MGAT4C: variants seen among roughly 807,000 people sequenced by gnomAD.
The protein encoded by MGAT4C is alpha-1,3-mannosyl-glycoprotein 4-beta-N-acetylglucosaminyltransferase C.
A neutral mutation model predicts 40.1 loss-of-function variants in MGAT4C; 19 were observed. That is an observed-to-expected ratio of 0.47 (90% CI 0.33 to 0.70). The LOEUF is 0.70. Among genes scored for constraint, MGAT4C ranks in the 30% least tolerant of loss-of-function variants. MGAT4C has a pLI of 0.02. For missense variants in MGAT4C, 491 were observed against 563.2 expected (o/e 0.87, Z 1.30); for synonymous variants, 181 against 187.1 (o/e 0.97, Z 0.27).
chr12:86,770,585 G>A (rs1036423297), intron 1 of MGAT4C, among the ~76,000 whole-genome samples: 26 of 152,016 alleles, frequency 1.7e-4, no homozygotes, highest in Middle Eastern at 3.5e-3. Flanking sequence ...ATAATTGTTG[G>A]CTGTGTTTTT....
chr12:86,732,262 C>A (rs1476121867), intron 1 of MGAT4C, among the ~76,000 whole-genome samples: 3 of 152,088 alleles, frequency 2.0e-5, no homozygotes, highest in Admixed American at 6.6e-5. Flanking sequence ...TGTTTTAATA[C>A]AACAGTACCA....
intron 2 of MGAT4C, among the ~76,000 whole-genome samples, chr12:86,647,628 C>G (rs1468448364): frequency 6.6e-6 from 1 of 151,870 alleles, no homozygotes. Flanking sequence ...TGTCTTTACT[C>G]TAGATCACAT....
chr12:86,387,017 T>C (rs1956064387), intron 3 of MGAT4C, among the ~76,000 whole-genome samples: 2 of 152,206 alleles, frequency 1.3e-5, no homozygotes, highest in South Asian at 4.1e-4. Flanking sequence ...TTGCCATATG[T>C]ATTCCTTATT....
chr12:86,734,130 A>G (rs1329131534), intron 1 of MGAT4C, among the ~76,000 whole-genome samples: 1 of 152,122 alleles, frequency 6.6e-6, no homozygotes, highest in Admixed American at 6.6e-5. Context: ...AAGTTGAGAA[A>G]GTTTAAGTTG....
chr12:86,594,518 C>T (rs563232007), intron 2 of MGAT4C, among the ~76,000 whole-genome samples: 1 of 152,154 alleles, frequency 6.6e-6, no homozygotes, highest in Non-Finnish European at 1.5e-5. Context: ...CCACTTGTTA[C>T]AAAATACATT....
intron 3 of MGAT4C, among the ~76,000 whole-genome samples, chr12:86,385,506 A>C (rs188398612): frequency 6.6e-6 from 1 of 152,190 alleles, no homozygotes; most frequent in Non-Finnish European, 1.5e-5. Context: ...TTTGTTGCTT[A>C]ATGTCTTTCA....
chr12:86,667,377 T>C (rs986735004), intron 2 of MGAT4C, among the ~76,000 whole-genome samples: 1 of 152,192 alleles, frequency 6.6e-6, no homozygotes, highest in African/African-American at 2.4e-5. Context: ...TCAGTTTTAA[T>C]TTCGAGACAG....
intron 2 of MGAT4C, among the ~76,000 whole-genome samples, chr12:86,637,847 A>G (rs895652478): frequency 4.0e-5 from 6 of 151,860 alleles, no homozygotes; most frequent in African/African-American, 1.4e-4. Context: ...GGACTGTACA[A>G]ATTTTCATAT....
At chr12:86,050,392 T>A (rs918427027) in intron 1 of MGAT4C, among the ~76,000 whole-genome samples, 6 of 152,050 alleles carry the variant, frequency 3.9e-5, no homozygotes, top group African/African-American at 1.4e-4. Flanking sequence ...CCTTTAAAAT[T>A]ATGTGTATTT....
chr12:86,264,241 A>G (rs904624229), intron 4 of MGAT4C, among the ~76,000 whole-genome samples: 1 of 152,146 alleles, frequency 6.6e-6, no homozygotes, highest in African/African-American at 2.4e-5. Flanking sequence ...GTCATAAATT[A>G]TTTGCCTAGA....
At position 85,961,528 on chromosome 12, in the gene MGAT4C, C is replaced by A. The variant is rs1883111828; in HGVS notation, c.*17761G>T. On this transcript the variant is annotated 3_prime_UTR_variant, in exon 5 of 5. Transcript: ENST00000611864. ...TCAACTTCTAATCTTTTATCATCCT[C>A]TACCACATAATTCCTCCTATATTCT... is the stretch of plus-strand genomic sequence containing the variant. 4 of 151,862 alleles carry A rather than the reference C, an allele frequency of 2.6e-5. No individual in the cohort carries two copies. The South Asian group carries it at 8.3e-4, about 32-fold the overall frequency. 9.4% of individuals were successfully genotyped at this position (151,862 alleles called of 1,614,324 possible). A position where few individuals can be genotyped will look rare whatever the true frequency, so the allele number is the denominator to read the frequency against.
At position 86,603,561 on chromosome 12, in the gene MGAT4C, C is replaced by T. The variant is rs1322415239; in HGVS notation, c.-229+123648G>A. On this transcript the variant is annotated intron_variant, in intron 2 of 7. Transcript: ENST00000548651. The stretch of plus-strand genomic sequence containing the variant: ...CTATAGACTATAGATAATATATAGT[C>T]TATAGACTATAGATAATATATAGTC... 2.9e-5 allele frequency among the ~76,000 whole-genome samples: 3 copies of T among 104,812 alleles called. No homozygotes were observed. In the East Asian group the frequency reaches 9.7e-4, roughly 34 times the overall value. 68.8% of individuals were successfully genotyped at this position (104,812 alleles called of 152,430 possible). A position where few individuals can be genotyped will look rare whatever the true frequency, so the allele number is the denominator to read the frequency against.
chr12:86,227,123 C>A (rs1951120646), intron 1 of MGAT4C, among the ~76,000 whole-genome samples: 2 of 151,956 alleles, frequency 1.3e-5, no homozygotes, highest in Non-Finnish European at 1.5e-5. Flanking sequence ...ATCTCCTCAG[C>A]TTTTGACACA....
chr12:86,707,720 G>T (rs550017727), intron 2 of MGAT4C, among the ~76,000 whole-genome samples: 1 of 151,914 alleles, frequency 6.6e-6, no homozygotes, highest in Non-Finnish European at 1.5e-5. Flanking sequence ...TAGTAGAGAT[G>T]GGATTTCACT....
intron 1 of MGAT4C, among the ~76,000 whole-genome samples, chr12:86,230,727 ATC>A (rs960681108): frequency 6.6e-6 from 1 of 152,132 alleles, no homozygotes; most frequent in Admixed American, 6.5e-5. Flanking sequence ...CAAAGAGAAA[ATC>A]TCTGAGCAAC....
At chr12:86,199,695 C>T (rs1443399009) in intron 1 of MGAT4C, among the ~76,000 whole-genome samples, 1 of 151,958 alleles carries the variant, frequency 6.6e-6, no homozygotes, top group African/African-American at 2.4e-5. Flanking sequence ...ATTATTAATA[C>T]AATGAATGTA....
chr12:86,329,487 G>A (rs958672152), intron 4 of MGAT4C, among the ~76,000 whole-genome samples: 38 of 152,190 alleles, frequency 2.5e-4, no homozygotes, highest in African/African-American at 8.2e-4. Context: ...ACATTTAGCT[G>A]ACATGCCTGC....
At chr12:86,630,446 C>A (rs528075612) in intron 2 of MGAT4C, among the ~76,000 whole-genome samples, 4 of 151,952 alleles carry the variant, frequency 2.6e-5, no homozygotes, top group Non-Finnish European at 5.9e-5. Flanking sequence ...CAGAGACACA[C>A]AAAAAAAGAG....
rs139886789 is a variant in MGAT4C, at chr12:86,329,684, A to G, written c.-57+4381T>C. On this transcript the variant is annotated intron_variant, in intron 4 of 7. Coordinates refer to the MGAT4C transcript ENST00000548651. ...CTTAATACTATAAACTTTATAATAT[A>G]CTTTCATATTAAGTAATACTTAATA... 1.2e-4 allele frequency among the ~76,000 whole-genome samples: 18 copies of G among 152,306 alleles called. 1 individual carries two copies. In the East Asian group the frequency reaches 3.3e-3, roughly 28 times the overall value.
Sources: gnomAD v4.1 joint callset for allele counts (sites outside exome capture counted in the v4.1 genomes callset) on GRCh38, gnomAD v4.1.1 for gene constraint, MANE v1.5 for transcripts, NCBI Gene and HGNC (gene_info 2026-07-23, HGNC 2026-07-21) for gene names.